STXBP6: variants seen among roughly 807,000 people sequenced by gnomAD.
The protein encoded by STXBP6 is syntaxin binding protein 6.
A neutral mutation model predicts 26.9 loss-of-function variants in STXBP6; 21 were observed. The ratio of observed to expected loss-of-function variants is 0.78; its 90% CI spans 0.55 to 1.12. The LOEUF (loss-of-function observed/expected upper bound fraction) is 1.12, where lower values mean the gene tolerates loss of function less well. STXBP6 is among the 50% of genes most tolerant of loss of function. The probability of loss-of-function intolerance (pLI) is 0.00; values close to 1 mark genes in which losing one functional copy is unlikely to be tolerated. For synonymous variants in STXBP6, 97 were observed against 92.6 expected (o/e 1.05, Z -0.27); for missense variants, 232 against 257.9 (o/e 0.90, Z 0.69).
Position 24,982,470 on chromosome 14 carries a change from A to C in STXBP6, c.-32-7620T>G, listed in dbSNP as rs545656542. Among the ~76,000 whole-genome samples the C allele has an allele frequency of 2.0e-5, 3 of 152,348 alleles. No individual in the cohort carries two copies. The East Asian group carries it at 5.8e-4, about 29-fold the overall frequency. On this transcript the variant is annotated intron_variant, in intron 1 of 5. Coordinates refer to ENST00000323944, the MANE Select transcript of STXBP6 (RefSeq NM_001394410.1). ...TAGCCTGCGCTTGCTCTCTTAGATG[A>C]ATAACTCTGGAACAATGTAAAAACA...
chr14:24,881,446 T>A (rs2070352457), intron 2 of STXBP6, among the ~76,000 whole-genome samples: 1 of 152,196 alleles, frequency 6.6e-6, no homozygotes, highest in African/African-American at 2.4e-5. Flanking sequence ...GCATTTAAAC[T>A]GTATAGTGGG....
intron 2 of STXBP6, among the ~76,000 whole-genome samples, chr14:24,886,770 G>A (rs1009215445): frequency 2.6e-5 from 4 of 152,062 alleles, no homozygotes; most frequent in Non-Finnish European, 5.9e-5. Flanking sequence ...AGCTACCTTA[G>A]AATTTTAAAA....
intron 2 of STXBP6, among the ~76,000 whole-genome samples, chr14:24,859,250 C>T (rs2069448307): frequency 1.3e-5 from 2 of 152,144 alleles, no homozygotes; most frequent in Admixed American, 1.3e-4. Context: ...CAACTCTATC[C>T]ATTCCTGCCT....
chr14:24,846,671 T>C (rs12880667), intron 4 of STXBP6, among the ~76,000 whole-genome samples: 34,253 of 152,102 alleles, frequency 0.23, 4,224 homozygotes, highest in Non-Finnish European at 0.29. Context: ...TGAAATCTGG[T>C]AACTCTAATG....
Position 24,911,845 on chromosome 14 carries a change from G to A in STXBP6, c.155-54688C>T, listed in dbSNP as rs535821804. On this transcript the variant is annotated intron_variant, in intron 2 of 5. Transcript: ENST00000323944. ...CTCAAATATGCACGTGCACATTTGTGTACATGTTTACAAACCCTTTTTTAA... is the reference window on the plus strand; with the variant it reads ...CTCAAATATGCACGTGCACATTTGTATACATGTTTACAAACCCTTTTTTAA... Among the ~76,000 whole-genome samples the A allele has an allele frequency of 3.5e-4, 53 of 152,280 alleles. No individual in the cohort carries two copies. In the South Asian group the frequency reaches 0.01, roughly 29 times the overall value.
chr14:24,890,815 C>T (rs2070760766), intron 2 of STXBP6, among the ~76,000 whole-genome samples: 1 of 152,188 alleles, frequency 6.6e-6, no homozygotes. Flanking sequence ...TCAGAGGGAG[C>T]AGTGCTATAG....
chr14:24,946,334 G>A (rs1480275089), intron 2 of STXBP6, among the ~76,000 whole-genome samples: 1 of 152,182 alleles, frequency 6.6e-6, no homozygotes, highest in African/African-American at 2.4e-5. Flanking sequence ...AAAGATAAAT[G>A]TGAAAGAGGG....
At chr14:24,898,937 T>G (rs2071101834) in intron 2 of STXBP6, among the ~76,000 whole-genome samples, 1 of 152,200 alleles carries the variant, frequency 6.6e-6, no homozygotes, top group Non-Finnish European at 1.5e-5. Flanking sequence ...AGAGGCATCA[T>G]TACATAGGCA....
At chr14:24,924,484 T>C (rs2072092244) in intron 2 of STXBP6, among the ~76,000 whole-genome samples, 1 of 152,136 alleles carries the variant, frequency 6.6e-6, no homozygotes, top group Non-Finnish European at 1.5e-5. Flanking sequence ...TGAGTTCACT[T>C]AGAAATAGAT....
At chr14:24,998,451 A>G (rs1488531827) in intron 1 of STXBP6, among the ~76,000 whole-genome samples, 1 of 152,242 alleles carries the variant, frequency 6.6e-6, no homozygotes, top group Non-Finnish European at 1.5e-5. Flanking sequence ...GAAATAAAAG[A>G]AAAACTGCCC....
chr14:24,852,595 A>G (rs2069192544), intron 4 of STXBP6, among the ~76,000 whole-genome samples: 1 of 152,136 alleles, frequency 6.6e-6, no homozygotes, highest in African/African-American at 2.4e-5. Flanking sequence ...AAACACAAAA[A>G]ACAAAAAGCA....
intron 2 of STXBP6, among the ~76,000 whole-genome samples, chr14:24,938,993 AAATAAT>A (rs964612333): frequency 9.2e-5 from 14 of 152,136 alleles, no homozygotes; most frequent in East Asian, 7.7e-4. Context: ...TAAAACTGAA[AAATAAT>A]AATAATAATA....
chr14:24,827,768 C>T (rs1286129161), intron 4 of STXBP6, among the ~76,000 whole-genome samples: 1 of 152,164 alleles, frequency 6.6e-6, no homozygotes, highest in Non-Finnish European at 1.5e-5. Context: ...TTGCTGCTCA[C>T]CCATAATACA....
intron 1 of STXBP6, among the ~76,000 whole-genome samples, chr14:25,035,390 G>A (rs1424704032): frequency 2.0e-5 from 3 of 152,136 alleles, no homozygotes; most frequent in African/African-American, 4.8e-5. Context: ...TGTTTACTCA[G>A]GACACCATGA....
chr14:24,824,413 A>C (rs2068225097), intron 4 of STXBP6, among the ~76,000 whole-genome samples: 2 of 152,336 alleles, frequency 1.3e-5, no homozygotes, highest in South Asian at 4.1e-4. Context: ...ATAATAATTT[A>C]AGTAATCATG....
At chr14:24,899,943 G>A (rs532558855) in intron 2 of STXBP6, among the ~76,000 whole-genome samples, 2 of 152,158 alleles carry the variant, frequency 1.3e-5, no homozygotes, top group South Asian at 4.2e-4. Context: ...AAGGTCCTTG[G>A]ATATCATTAG....
chr14:24,901,089 T>C (rs936050811), intron 2 of STXBP6, among the ~76,000 whole-genome samples: 8 of 152,032 alleles, frequency 5.3e-5, no homozygotes, highest in Non-Finnish European at 8.8e-5. Flanking sequence ...GAATTTCTAG[T>C]CTCATTTAAA....
chr14:25,028,559 T>C (rs1354158992), intron 1 of STXBP6, among the ~76,000 whole-genome samples: 1 of 151,780 alleles, frequency 6.6e-6, no homozygotes, highest in Non-Finnish European at 1.5e-5. Context: ...ATGTACCTGG[T>C]CATCCAAGAG....
chr14:24,932,307 T>G (rs2072444994), intron 2 of STXBP6, among the ~76,000 whole-genome samples: 1 of 152,218 alleles, frequency 6.6e-6, no homozygotes, highest in Non-Finnish European at 1.5e-5. Context: ...CTTAGGAGGC[T>G]GAGGCAGGAG....
Sources: allele counts gnomAD v4.1 joint callset (sites outside exome capture counted in the v4.1 genomes callset), GRCh38; gene constraint gnomAD v4.1.1; transcripts MANE v1.5; gene names NCBI Gene and HGNC (gene_info 2026-07-23, HGNC 2026-07-21).